The following KCNMB1 variants were observed in gnomAD, a reference collection of about 807,000 sequenced individuals.
The protein encoded by KCNMB1 is calcium-activated potassium channel subunit beta-1.
A neutral mutation model predicts 21.7 loss-of-function variants in KCNMB1; 22 were observed. The ratio of observed to expected loss-of-function variants is 1.01; its 90% CI spans 0.72 to 1.45. KCNMB1 has a LOEUF of 1.45. Ranked by LOEUF, KCNMB1 falls within the 40% of genes most tolerant of loss-of-function variation. The pLI, the probability that KCNMB1 is intolerant of heterozygous loss-of-function variation, is 0.00. For synonymous variants in KCNMB1, 114 were observed against 107.6 expected (o/e 1.06, Z -0.37); for missense variants, 243 against 243.4 (o/e 1.00, Z 0.01).
At chr5:170,386,913 A>C (rs1764497895) in intron 1 of KCNMB1, among the ~76,000 whole-genome samples, 1 of 151,968 alleles carries the variant, frequency 6.6e-6, no homozygotes, top group African/African-American at 2.4e-5. Flanking sequence ...GCAAGCAAAG[A>C]TTCCACCCTC....
In KCNMB1 at chr5:170,376,251, C is replaced by A. The variant is rs1047053384; in HGVS notation, c.*2453G>T. 1.3e-5 allele frequency: 2 copies of A among 150,058 alleles called. No homozygotes were observed. Among genetic ancestry groups the A allele is most frequent in the Non-Finnish European group, 3.0e-5 (2 of 67,794 alleles). 9.3% of individuals were successfully genotyped at this position (150,058 alleles called of 1,614,324 possible). ...TCTCGGCTCACTGCAAGCTCCGCCT[C>A]CCGGGTTCACGCCATTCTTCTGCCT... On this transcript the variant is annotated 3_prime_UTR_variant, in exon 4 of 4. Transcript: ENST00000274629.
intron 2 of KCNMB1, among the ~76,000 whole-genome samples, chr5:170,384,707 C>T (rs1330257160): frequency 1.3e-5 from 2 of 152,166 alleles, no homozygotes; most frequent in African/African-American, 2.4e-5. Context: ...AAATAGAACA[C>T]GAATTAGGAA....
rs1581125456 is a variant in KCNMB1, at chr5:170,378,180, A to G, written c.*524T>C. The G allele has an allele frequency of 6.6e-6, 1 of 152,580 alleles. No homozygotes were observed. The highest frequency in any genetic ancestry group is 2.1e-4 in the South Asian group (1 of 4,834). The allele number at this position is 152,580 out of a possible 1,614,324, so 9.5% of individuals were successfully genotyped here. ...TGCAGCTGATTGTTGTTTGGCATAC[A>G]TTTATTAATATTGGAATTAAAAATA... On this transcript the variant is annotated 3_prime_UTR_variant, in exon 4 of 4. Coordinates refer to ENST00000274629, the MANE Select transcript of KCNMB1 (RefSeq NM_004137.4).
intron 3 of KCNMB1, among the ~76,000 whole-genome samples, chr5:170,380,659 G>A (rs1016578523): frequency 2.0e-5 from 3 of 152,240 alleles, no homozygotes; most frequent in African/African-American, 7.2e-5. Flanking sequence ...GGCATTCAGA[G>A]CTGTTGGACA....
intron 1 of KCNMB1, among the ~76,000 whole-genome samples, chr5:170,386,094 C>T (rs1220108725): frequency 2.0e-5 from 3 of 150,794 alleles, no homozygotes; most frequent in Non-Finnish European, 4.4e-5. Flanking sequence ...CACTGCACTC[C>T]AGCCTGGGCA....
At position 170,376,509 on chromosome 5, in the gene KCNMB1, C is replaced by T. The variant is rs950792912; in HGVS notation, c.*2195G>A. Reference sequence around the variant, plus strand: ...ATAGCTCTTTTTCCCTGATCCTCTCCCTCCTCCTACCTCCCGCCCTCCAAT... The same window carrying T: ...ATAGCTCTTTTTCCCTGATCCTCTCTCTCCTCCTACCTCCCGCCCTCCAAT... On this transcript the variant is annotated 3_prime_UTR_variant, in exon 4 of 4. Transcript: ENST00000274629. 1.3e-5 allele frequency: 2 copies of T among 152,072 alleles called. No homozygotes were observed. Among genetic ancestry groups the T allele is most frequent in the East Asian group, 1.9e-4 (1 of 5,184 alleles). 9.4% of individuals were successfully genotyped at this position (152,072 alleles called of 1,614,324 possible).
At chr5:170,385,238 G>T in intron 2 of KCNMB1, 76 bp downstream of exon 2, 1 of 1,524,196 alleles carries the variant, frequency 6.6e-7, no homozygotes, top group Non-Finnish European at 9.1e-7. Context: ...GGGGTGAGTA[G>T]AAGGCCAGGG....
At position 170,378,774 on chromosome 5, in the gene KCNMB1, G is replaced by T. The variant is rs755712346; in HGVS notation, c.506C>A (p.Thr169Asn). 1.9e-5 allele frequency: 31 copies of T among 1,614,118 alleles called. No individual in the cohort carries two copies. Among genetic ancestry groups the T allele is most frequent in the Non-Finnish European group, 1.4e-5 (17 of 1,180,036 alleles). Residue 169 changes from threonine (T) to asparagine (N), a missense_variant, in exon 4 of 4, where the codon ACC (threonine) becomes AAC (asparagine). Thr to Asn is a moderately conservative substitution (Grantham distance 65). Transcript: ENST00000274629. ...CATGGCGATAATGAGGAGGCCACCG[G>T]TCAGCAGGAAGGTGGGCCAGAAGAG... is the stretch of plus-strand genomic sequence containing the variant. ...FSLFWPTFLL[T>N]GGLLIIAMVK... is the part of the protein sequence containing the mutation.
In KCNMB1 at chr5:170,389,252, T is replaced by G. The variant is rs1208313655; in HGVS notation, c.-25+7A>C. 1.3e-5 allele frequency: 2 copies of G among 152,268 alleles called. No homozygotes were observed. The highest frequency in any genetic ancestry group is 2.9e-5 in the Non-Finnish European group (2 of 68,110). The allele number at this position is 152,268 out of a possible 1,614,324, so 9.4% of individuals were successfully genotyped here. Reference sequence around the variant, plus strand: ...ACTTCCCAAGTGCTTTCAGGCCCGGTACTCACAGTCTTCCCGGCGTCCTGT... The same window carrying G: ...ACTTCCCAAGTGCTTTCAGGCCCGGGACTCACAGTCTTCCCGGCGTCCTGT... On this transcript the variant is annotated splice_region_variant and intron_variant, in intron 1 of 3. Coordinates refer to ENST00000274629, the MANE Select transcript of KCNMB1 (RefSeq NM_004137.4).
At chr5:170,383,363 T>C (rs1171000687) in intron 3 of KCNMB1, 1 of 592,486 alleles carries the variant, frequency 1.7e-6, no homozygotes, top group Non-Finnish European at 3.0e-6. Flanking sequence ...AGCGTGGCAC[T>C]TTATATACAG....
At chr5:170,385,150 C>T (rs1196445460) in intron 2 of KCNMB1, among the ~76,000 whole-genome samples, 164 bp downstream of exon 2, 1 of 152,208 alleles carries the variant, frequency 6.6e-6, no homozygotes, top group Non-Finnish European at 1.5e-5. Context: ...GTTCATCCTA[C>T]CTTCCCTGCA....
intron 2 of KCNMB1, 36 bp from the exon 3 acceptor site, chr5:170,383,886 C>G (rs773113100): frequency 6.2e-7 from 1 of 1,605,464 alleles, no homozygotes; most frequent in Non-Finnish European, 8.5e-7. Context: ...ATACACATCT[C>G]AGAACTGGGT....
chr5:170,383,789 G>A lies in KCNMB1; in HGVS notation c.196C>T (p.Leu66=), dbSNP rs1408674038. Residue 66 remains leucine, a synonymous_variant, in exon 3 of 4, where the codon CTG becomes TTG. Transcript: ENST00000274629. The stretch of plus-strand genomic sequence containing the variant: ...TACTGGGGCACCTTCTTGCCCTTCA[G>A]CTCCTCCTGGTCCCTGATGTTGGTC... ...IETNIRDQEE[L]KGKKVPQYPC... is the part of the protein sequence containing the mutation. 6.2e-7 allele frequency: 1 copy of A among 1,614,076 alleles called. No homozygotes were observed. The highest frequency in any genetic ancestry group is 8.5e-7 in the Non-Finnish European group (1 of 1,179,968).
At position 170,378,893 on chromosome 5, in the gene KCNMB1, C is replaced by T; in HGVS notation, c.387G>A (p.Glu129=). 6.2e-7 allele frequency: 1 copy of T among 1,614,248 alleles called. No homozygotes were observed. Among genetic ancestry groups the T allele is most frequent in the Non-Finnish European group, 8.5e-7 (1 of 1,180,046 alleles). Residue 129 remains glutamate (E), a synonymous_variant, in exon 4 of 4, where the codon GAG becomes GAA. Coordinates refer to ENST00000274629, the MANE Select transcript of KCNMB1 (RefSeq NM_004137.4). ...DVEKVRAKFQ[E]QQVFYCFSAP... ...CGGAGAAGCAGTAGAAGACCTGCTG[C>T]TCTTGGAATTTGGCTCTGACCTTCT...
chr5:170,382,202 T>A (rs996691265), intron 3 of KCNMB1, among the ~76,000 whole-genome samples: 13 of 152,146 alleles, frequency 8.5e-5, no homozygotes, highest in Non-Finnish European at 1.9e-4. Context: ...ACTCTGAAAC[T>A]CTGATCATGC....
In KCNMB1 at chr5:170,383,867, C is replaced by T. The variant is rs768136129; in HGVS notation, c.135-17G>A. 3.7e-6 allele frequency: 6 copies of T among 1,612,762 alleles called. No individual in the cohort carries two copies. The Admixed American group carries it at 1.0e-4, about 27-fold the overall frequency. ...GTCCACACGCTGAGGAGACCACACACATGCACACATACACATCTCAGAACT... is the reference window on the plus strand; with the variant it reads ...GTCCACACGCTGAGGAGACCACACATATGCACACATACACATCTCAGAACT... On this transcript the variant is annotated splice_polypyrimidine_tract_variant and intron_variant, in intron 2 of 3. Transcript: ENST00000274629.
At chr5:170,379,322 C>T (rs941556621) in intron 3 of KCNMB1, among the ~76,000 whole-genome samples, 7 of 152,094 alleles carry the variant, frequency 4.6e-5, no homozygotes, top group Admixed American at 3.3e-4. Context: ...GGGTGAATAT[C>T]GGTTTCAAAG....
At chr5:170,380,063 A>G (rs183847183) in intron 3 of KCNMB1, among the ~76,000 whole-genome samples, 13 of 152,330 alleles carry the variant, frequency 8.5e-5, no homozygotes, top group Non-Finnish European at 1.8e-4. Flanking sequence ...TGACACTGGG[A>G]TCCAAAGGAA....
In KCNMB1 at chr5:170,375,674, A is replaced by G. The variant is rs1763971171; in HGVS notation, c.*3030T>C. The G allele has an allele frequency of 6.6e-6, 1 of 152,492 alleles. No individual in the cohort carries two copies. Among genetic ancestry groups the G allele is most frequent in the Non-Finnish European group, 1.5e-5 (1 of 68,230 alleles). 9.4% of individuals were successfully genotyped at this position (152,492 alleles called of 1,614,324 possible). A position where few individuals can be genotyped will look rare whatever the true frequency, so the allele number is the denominator to read the frequency against. On this transcript the variant is annotated 3_prime_UTR_variant, in exon 4 of 4. Transcript: ENST00000274629. ...TGTGGTTGAGATGCCAGGTACTGGA[A>G]CACACAGCTCCAGGCTTGAGTCCTA...
Sources: gnomAD v4.1 joint callset for allele counts (sites outside exome capture counted in the v4.1 genomes callset) on GRCh38, gnomAD v4.1.1 for gene constraint, MANE v1.5 for transcripts, NCBI Gene and HGNC (gene_info 2026-07-23, HGNC 2026-07-21) for gene names.